Variants in SPPL3 observed in about 807,000 individuals in gnomAD.
SPPL3 encodes signal peptide peptidase-like 3.
Under a neutral mutation model 42.4 loss-of-function variants are expected in SPPL3, and 5 were observed. That is an observed-to-expected ratio of 0.12 (90% CI 0.06 to 0.25). The LOEUF is 0.25. Ranked by LOEUF, SPPL3 falls within the 10% of genes least tolerant of loss-of-function variation. SPPL3 has a pLI of 1.00. For synonymous variants in SPPL3, 195 were observed against 181.8 expected (o/e 1.07, Z -0.58); for missense variants, 235 against 489.0 (o/e 0.48, Z 4.90).
At chr12:120,804,602 G>A (rs1870428907) in intron 2 of SPPL3, among the ~76,000 whole-genome samples, 1 of 152,172 alleles carries the variant, frequency 6.6e-6, no homozygotes, top group Non-Finnish European at 1.5e-5. Context: ...AATAACAAGT[G>A]TTGGTGAAGA....
intron 1 of SPPL3, among the ~76,000 whole-genome samples, chr12:120,856,635 G>A (rs1872470618): frequency 6.7e-6 from 1 of 148,358 alleles, no homozygotes; most frequent in African/African-American, 2.5e-5. Flanking sequence ...GAATCCTCCT[G>A]AATTTTCCCA....
At chr12:120,902,009 G>T in intron 1 of SPPL3, 1 of 792,720 alleles carries the variant, frequency 1.3e-6, no homozygotes, top group Non-Finnish European at 1.5e-6. Context: ...ACAGCCATTA[G>T]GGCCAGAGTA....
chr12:120,882,701 C>A (rs1445098072), intron 1 of SPPL3, among the ~76,000 whole-genome samples: 1 of 152,060 alleles, frequency 6.6e-6, no homozygotes, highest in African/African-American at 2.4e-5. Context: ...ACACTATTTA[C>A]CATTTTAACA....
At chr12:120,820,199 T>C (rs754433195) in intron 1 of SPPL3, among the ~76,000 whole-genome samples, 10 of 152,090 alleles carry the variant, frequency 6.6e-5, no homozygotes, top group East Asian at 1.9e-4. Context: ...AAATTTCAAA[T>C]TTAAAAATTA....
chr12:120,801,189 C>CA (rs1220463022), intron 2 of SPPL3, among the ~76,000 whole-genome samples: 1 of 152,226 alleles, frequency 6.6e-6, no homozygotes, highest in Non-Finnish European at 1.5e-5. Context: ...GAGAGTCTGA[C>CA]ACCTTAGAAG....
intron 2 of SPPL3, among the ~76,000 whole-genome samples, chr12:120,800,725 G>A (rs1870262480): frequency 6.6e-6 from 1 of 152,046 alleles, no homozygotes; most frequent in Admixed American, 6.6e-5. Context: ...GTCAACAAAT[G>A]TCCAATTATT....
At chr12:120,873,345 T>C (rs1342984923) in intron 1 of SPPL3, among the ~76,000 whole-genome samples, 1 of 151,918 alleles carries the variant, frequency 6.6e-6, no homozygotes, top group African/African-American at 2.4e-5. Flanking sequence ...TGAACTAGAA[T>C]ACAGGAAGGG....
chr12:120,806,744 G>C (rs769408785), intron 2 of SPPL3, among the ~76,000 whole-genome samples: 35 of 151,880 alleles, frequency 2.3e-4, no homozygotes, highest in Non-Finnish European at 5.0e-4. Flanking sequence ...CTACTCGGGA[G>C]GCTGAGGCAG....
chr12:120,854,720 C>G (rs578036277), intron 1 of SPPL3, among the ~76,000 whole-genome samples: 1 of 152,264 alleles, frequency 6.6e-6, no homozygotes, highest in South Asian at 2.1e-4. Context: ...GCCCCAAAGT[C>G]TAAGGAAGCA....
chr12:120,836,843 G>A (rs1871636679), intron 1 of SPPL3, among the ~76,000 whole-genome samples: 2 of 152,182 alleles, frequency 1.3e-5, no homozygotes, highest in Non-Finnish European at 1.5e-5. Context: ...GTGTGCATAC[G>A]TGCATATACG....
intron 1 of SPPL3, among the ~76,000 whole-genome samples, chr12:120,845,844 T>C (rs1872011820): frequency 6.6e-6 from 1 of 150,662 alleles, no homozygotes; most frequent in East Asian, 1.9e-4. Context: ...ACTATTTTAA[T>C]TGCTTAGAAT....
chr12:120,894,416 G>C (rs1281956008), intron 1 of SPPL3, among the ~76,000 whole-genome samples: 1 of 152,232 alleles, frequency 6.6e-6, no homozygotes, highest in African/African-American at 2.4e-5. Context: ...AAAGCTTGAA[G>C]ATTTAGTCAA....
chr12:120,845,119 T>C, intron 1 of SPPL3: 1 of 416,520 alleles, frequency 2.4e-6, no homozygotes, highest in Non-Finnish European at 4.7e-6. Context: ...TCACTTCTGG[T>C]TCCGGAGCGG....
At chr12:120,857,876 C>T (rs1183490257) in intron 1 of SPPL3, among the ~76,000 whole-genome samples, 1 of 152,182 alleles carries the variant, frequency 6.6e-6, no homozygotes, top group African/African-American at 2.4e-5. Context: ...GGCTTAATAC[C>T]TCGGTGATGG....
At chr12:120,826,292 C>CAA (rs11341939) in intron 1 of SPPL3, among the ~76,000 whole-genome samples, 37 of 118,616 alleles carry the variant, frequency 3.1e-4, no homozygotes, top group South Asian at 2.5e-3. Flanking sequence ...AAACTGTCTC[C>CAA]AAAAAAAAAA....
chr12:120,785,506 T>C (rs887661328), intron 3 of SPPL3, among the ~76,000 whole-genome samples: 1 of 152,024 alleles, frequency 6.6e-6, no homozygotes, highest in East Asian at 1.9e-4. Context: ...GAACCATTAA[T>C]AGAGTATTTT....
intron 3 of SPPL3, among the ~76,000 whole-genome samples, chr12:120,788,331 C>T (rs1043718134): frequency 5.9e-5 from 9 of 152,160 alleles, no homozygotes; most frequent in South Asian, 2.1e-4. Context: ...CCATGTGTTT[C>T]GAGTTGCCCA....
In SPPL3 at chr12:120,898,682, T is replaced by C. The variant is rs559477035; in HGVS notation, c.23+5163A>G. On this transcript the variant is annotated intron_variant, in intron 1 of 10. Transcript: ENST00000353487. The stretch of plus-strand genomic sequence containing the variant: ...GAGGGCTGGCTTACAGTCAACACTG[T>C]GGAAACATTAAGTGGACAGATTCAG... Among the ~76,000 whole-genome samples the C allele has an allele frequency of 3.9e-5, 6 of 152,278 alleles. No individual in the cohort carries two copies. In the East Asian group the frequency reaches 5.8e-4, roughly 15 times the overall value.
chr12:120,872,048 A>G (rs647336), intron 1 of SPPL3, among the ~76,000 whole-genome samples: 141,028 of 152,230 alleles, frequency 0.93, 65,670 homozygotes, highest in East Asian at 1. Flanking sequence ...AAAAGTTTCA[A>G]AATTTAGAGC....
Sources: allele counts gnomAD v4.1 joint callset (sites outside exome capture counted in the v4.1 genomes callset), GRCh38; gene constraint gnomAD v4.1.1; transcripts MANE v1.5; gene names NCBI Gene and HGNC (gene_info 2026-07-23, HGNC 2026-07-21).